Variants in NALCN observed in about 807,000 individuals in gnomAD.
The protein encoded by NALCN is sodium leak channel, non-selective.
Under a neutral mutation model 225.3 loss-of-function variants are expected in NALCN, and 111 were observed. The observed-to-expected ratio is 0.49, with a 90% CI of 0.42 to 0.58. The LOEUF (loss-of-function observed/expected upper bound fraction) is 0.58. Among genes scored for constraint, NALCN ranks in the 20% least tolerant of loss-of-function variants. The pLI is 0.00. For synonymous variants in NALCN, 764 were observed against 769.0 expected, an observed-to-expected ratio of 0.99 and a Z score of 0.11; for missense variants, 1,378 against 2,202.4, an observed-to-expected ratio of 0.63 and a Z score of 7.49.
chr13:101,283,863 G>C, intron 10 of NALCN, 70 bp downstream of exon 10: 1 of 1,321,958 alleles, frequency 7.6e-7, no homozygotes, highest in Non-Finnish European at 1.0e-6. Flanking sequence ...AAGAGCTGTG[G>C]ATTTTCTTGG....
At chr13:101,388,199 G>C (rs1484034857) in intron 3 of NALCN, among the ~76,000 whole-genome samples, 1 of 152,084 alleles carries the variant, frequency 6.6e-6, no homozygotes, top group African/African-American at 2.4e-5. Flanking sequence ...AGGATAAACA[G>C]ATTTCATATT....
At chr13:101,070,076 T>TTTTTTTG in intron 37 of NALCN, among the ~76,000 whole-genome samples, 1 of 142,452 alleles carries the variant, frequency 7.0e-6, no homozygotes, top group Admixed American at 7.0e-5. Context: ...TTTTTTTTTT[T>TTTTTTTG]TTTTTTTTGA....
intron 11 of NALCN, among the ~76,000 whole-genome samples, chr13:101,248,014 G>C (rs2041951613): frequency 6.6e-6 from 1 of 152,086 alleles, no homozygotes; most frequent in Non-Finnish European, 1.5e-5. Flanking sequence ...TTTTATCGCT[G>C]CCTAGTATTC....
rs75936996 is a variant in NALCN, at chr13:101,377,376, T to G, written c.376-320A>C. On this transcript the variant is annotated intron_variant, in intron 4 of 43. Coordinates refer to ENST00000251127, the MANE Select transcript of NALCN (RefSeq NM_052867.4). ...GCTGTCTTTCTTGTTAATAACGTTC[T>G]TTAGTGGAGGCTTTTGAATATCTAG... Among the ~76,000 whole-genome samples the G allele has an allele frequency of 1.7e-3, 265 of 152,314 alleles. 1 individual carries two copies. Among genetic ancestry groups the G allele is most frequent in the African/African-American group, 6.0e-3 (250 of 41,584 alleles).
chr13:101,261,941 T>G (rs2042442638), intron 10 of NALCN, among the ~76,000 whole-genome samples: 1 of 152,216 alleles, frequency 6.6e-6, no homozygotes. Context: ...GAGGAAAGGC[T>G]TTTCAGATTT....
At chr13:101,239,107 G>T (rs1453342599) in intron 11 of NALCN, among the ~76,000 whole-genome samples, 2 of 151,794 alleles carry the variant, frequency 1.3e-5, no homozygotes, top group Non-Finnish European at 2.9e-5. Flanking sequence ...ACGTTTCTCA[G>T]GTATTTCATG....
chr13:101,235,194 G>T (rs1410376561), intron 12 of NALCN, among the ~76,000 whole-genome samples: 1 of 151,796 alleles, frequency 6.6e-6, no homozygotes, highest in African/African-American at 2.4e-5. Context: ...TTAAATTCGC[G>T]TTATGACTTA....
At chr13:101,367,492 T>C (rs1357943496) in intron 6 of NALCN, among the ~76,000 whole-genome samples, 2 of 152,256 alleles carry the variant, frequency 1.3e-5, no homozygotes, top group East Asian at 3.9e-4. Context: ...CTCCAGGACA[T>C]GACCTATTTT....
At chr13:101,057,820 T>C (rs2031447039) in intron 43 of NALCN, 119 bp downstream of exon 43, 1 of 808,296 alleles carries the variant, frequency 1.2e-6, no homozygotes, top group Non-Finnish European at 2.2e-6. Flanking sequence ...ATTATGTTGC[T>C]GTCTGTAAAC....
At chr13:101,199,325 T>C (rs1566420529) in intron 13 of NALCN, among the ~76,000 whole-genome samples, 1 of 151,538 alleles carries the variant, frequency 6.6e-6, no homozygotes, top group Non-Finnish European at 1.5e-5. Context: ...AAATAAATCA[T>C]GCTGCTATAA....
At chr13:101,274,279 G>A (rs1463123106) in intron 10 of NALCN, among the ~76,000 whole-genome samples, 2 of 152,074 alleles carry the variant, frequency 1.3e-5, no homozygotes, top group African/African-American at 4.8e-5. Flanking sequence ...AATGTCCATC[G>A]ATAGTGGAAT....
chr13:101,270,274 AG>A (rs1233001787), intron 10 of NALCN, among the ~76,000 whole-genome samples: 1 of 152,164 alleles, frequency 6.6e-6, no homozygotes, highest in Admixed American at 6.5e-5. Flanking sequence ...GGACTACAAT[AG>A]GGCTGCTAGA....
chr13:101,123,170 G>T (rs1186251649), intron 18 of NALCN, among the ~76,000 whole-genome samples: 1 of 152,194 alleles, frequency 6.6e-6, no homozygotes, highest in South Asian at 2.1e-4. Context: ...ATCTGCCTTG[G>T]AAAGTCTCTG....
intron 17 of NALCN, chr13:101,142,832 GC>G (rs2037154240): frequency 2.2e-6 from 1 of 461,812 alleles, no homozygotes; most frequent in African/African-American, 2.0e-5. Context: ...GATTTGGGAG[GC>G]TCTTGATGTT....
At chr13:101,074,419 C>T in intron 36 of NALCN, 95 bp downstream of exon 36, 1 of 1,200,740 alleles carries the variant, frequency 8.3e-7, no homozygotes, top group Non-Finnish European at 1.1e-6. Context: ...TTCCCCTCTC[C>T]TAGACTTTAA....
At chr13:101,258,957 A>G (rs2042328714) in intron 10 of NALCN, among the ~76,000 whole-genome samples, 1 of 152,230 alleles carries the variant, frequency 6.6e-6, no homozygotes, top group South Asian at 2.1e-4. Flanking sequence ...GTGTTTAGGG[A>G]GAATACTGCA....
chr13:101,369,962 T>A (rs369176139), intron 6 of NALCN, among the ~76,000 whole-genome samples: 11 of 152,286 alleles, frequency 7.2e-5, no homozygotes, highest in Admixed American at 4.6e-4. Flanking sequence ...TTTAGCCATT[T>A]CTCCTTTCCT....
intron 35 of NALCN, among the ~76,000 whole-genome samples, chr13:101,075,025 C>G (rs2139474369): frequency 6.6e-6 from 1 of 152,228 alleles, no homozygotes; most frequent in East Asian, 1.9e-4. Context: ...TTTTGACTGA[C>G]AGCAAGTAAA....
At chr13:101,282,803 C>T (rs1314772620) in intron 10 of NALCN, among the ~76,000 whole-genome samples, 1 of 152,046 alleles carries the variant, frequency 6.6e-6, no homozygotes, top group Non-Finnish European at 1.5e-5. Context: ...GTTAATCACA[C>T]CTCAATACAA....
Sources: allele counts gnomAD v4.1 joint callset (sites outside exome capture counted in the v4.1 genomes callset), GRCh38; gene constraint gnomAD v4.1.1; transcripts MANE v1.5; gene names NCBI Gene and HGNC (gene_info 2026-07-23, HGNC 2026-07-21).